Variants in ATM observed in about 807,000 individuals in gnomAD.
ATM encodes the protein ATM serine/threonine kinase, also known as serine-protein kinase ATM.
Under a neutral mutation model 387.0 loss-of-function variants are expected in ATM, and 308 were observed. That is an observed-to-expected ratio of 0.80 (90% CI 0.73 to 0.87). The LOEUF (loss-of-function observed/expected upper bound fraction) is 0.87. Among genes scored for constraint, ATM ranks in the 40% least tolerant of loss-of-function variants. The probability of loss-of-function intolerance (pLI) is 0.00; values close to 1 mark genes in which losing one functional copy is unlikely to be tolerated. For synonymous variants in ATM, 1,156 were observed against 1,187.3 expected (o/e 0.97, Z 0.54); for missense variants, 3,312 against 3,560.9 (o/e 0.93, Z 1.78).
At chr11:108,233,238 T>G (rs891599832) in intron 4 of ATM, among the ~76,000 whole-genome samples, 1 of 152,144 alleles carries the variant, frequency 6.6e-6, no homozygotes, top group Non-Finnish European at 1.5e-5. Context: ...AAAACTCAGC[T>G]GCGAAAAATG....
chr11:108,233,132 G>A (rs2079102335), intron 4 of ATM, among the ~76,000 whole-genome samples: 1 of 152,144 alleles, frequency 6.6e-6, no homozygotes, highest in African/African-American at 2.4e-5. Context: ...AAACTGCTGG[G>A]TTTATAGGCG....
intron 22 of ATM, among the ~76,000 whole-genome samples, chr11:108,274,431 T>C (rs1350952291): frequency 6.6e-6 from 1 of 152,202 alleles, no homozygotes; most frequent in African/African-American, 2.4e-5. Flanking sequence ...TGTTTGCTCT[T>C]GCTTCTCTAG....
At chr11:108,356,528 CTCTG>C (rs1264563977) in intron 61 of ATM, among the ~76,000 whole-genome samples, 19 of 139,586 alleles carry the variant, frequency 1.4e-4, no homozygotes, top group East Asian at 2.3e-4. Flanking sequence ...AAGAGCAAGA[CTCTG>C]TCTGTCTTAA....
rs544291274 is a variant in ATM, at chr11:108,254,729, T to C, written c.2124+690T>C. ...GTGCAGTGACGTGATCTTGGCTCAC[T>C]GCAACCTCCGTCTTCCAGTTCAAGC... is the stretch of plus-strand genomic sequence containing the variant. On this transcript the variant is annotated intron_variant, in intron 13 of 62. Coordinates refer to ENST00000675843, the MANE Select transcript of ATM (RefSeq NM_000051.4). Among the ~76,000 whole-genome samples, 50 of 152,306 alleles carry C rather than the reference T, an allele frequency of 3.3e-4. 1 individual carries two copies. The South Asian group carries it at 7.9e-3, about 24-fold the overall frequency.
At chr11:108,293,919 A>ATATATATATATATG in intron 31 of ATM, among the ~76,000 whole-genome samples, 1 of 117,050 alleles carries the variant, frequency 8.5e-6, no homozygotes, top group African/African-American at 3.1e-5. Flanking sequence ...ATATATATAT[A>ATATATATATATATG]TGTGTGTGTA....
At chr11:108,358,574 C>A in intron 61 of ATM, among the ~76,000 whole-genome samples, 1 of 121,462 alleles carries the variant, frequency 8.2e-6, no homozygotes, top group Non-Finnish European at 1.7e-5. Context: ...AAAGGGAAGC[C>A]CATCAGACTA....
At position 108,368,291 on chromosome 11, in the gene ATM, A is replaced by G. The variant is rs1177162363; in HGVS notation, c.*2783A>G. 1.1e-5 allele frequency: 2 copies of G among 186,978 alleles called. No homozygotes were observed. The highest frequency in any genetic ancestry group is 1.9e-4 in the East Asian group (2 of 10,710). The allele number at this position is 186,978 out of a possible 1,614,324, so 11.6% of individuals were successfully genotyped here. On this transcript the variant is annotated 3_prime_UTR_variant, in exon 63 of 63. Coordinates refer to ENST00000675843, the MANE Select transcript of ATM (RefSeq NM_000051.4). ...GCGACAGAGCAAGACTCTGCCTCAA[A>G]AAAAAAAAAAAAAAGGTTTTGGCAA...
At chr11:108,229,344 T>A (rs2078895670) in intron 4 of ATM, 21 bp downstream of exon 4, 1 of 1,596,850 alleles carries the variant, frequency 6.3e-7, no homozygotes, top group Non-Finnish European at 8.5e-7. Context: ...TTATAAATTA[T>A]AAATAAATGG....
chr11:108,225,924 C>T (rs1278690826), intron 1 of ATM: 1 of 152,126 alleles, frequency 6.6e-6, no homozygotes. Context: ...GAGAAACATA[C>T]TTAATCTTGA....
intron 56 of ATM, 52 bp downstream of exon 56, chr11:108,336,013 T>C: frequency 7.0e-7 from 1 of 1,427,724 alleles, no homozygotes. Context: ...AAGATGCCAT[T>C]TGGTTGGGTG....
chr11:108,324,784 G>A (rs2085486269), intron 45 of ATM, among the ~76,000 whole-genome samples: 1 of 152,166 alleles, frequency 6.6e-6, no homozygotes, highest in African/African-American at 2.4e-5. Flanking sequence ...TGTGCAATAT[G>A]CCTTTTCTGT....
At chr11:108,357,427 C>G (rs1262141225) in intron 61 of ATM, among the ~76,000 whole-genome samples, 1 of 152,028 alleles carries the variant, frequency 6.6e-6, no homozygotes, top group Non-Finnish European at 1.5e-5. Flanking sequence ...GAAGCTCGAA[C>G]TGGGTGGAAC....
intron 18 of ATM, among the ~76,000 whole-genome samples, chr11:108,270,704 A>AT (rs199782940): frequency 1.3e-5 from 2 of 151,236 alleles, no homozygotes; most frequent in Non-Finnish European, 3.0e-5. Flanking sequence ...CTTAAAAAAA[A>AT]TTTTTTTTTG....
At chr11:108,345,690 AGTTT>A in intron 57 of ATM, 49 bp from the exon 58 acceptor site, 3 of 1,331,696 alleles carry the variant, frequency 2.3e-6, no homozygotes, top group Middle Eastern at 2.7e-4. Context: ...TGTGTATATT[AGTTT>A]AATTGAACAC....
At chr11:108,238,571 A>G (rs1044744382) in intron 5 of ATM, among the ~76,000 whole-genome samples, 1 of 152,196 alleles carries the variant, frequency 6.6e-6, no homozygotes, top group Non-Finnish European at 1.5e-5. Context: ...CAAATTGTTC[A>G]ATGCACAAAA....
intron 49 of ATM, 108 bp from the exon 50 acceptor site, chr11:108,330,105 CT>C: frequency 8.0e-7 from 1 of 1,249,200 alleles, no homozygotes; most frequent in Non-Finnish European, 1.1e-6. Flanking sequence ...GCTTTTTTCC[CT>C]GGGATAAAAA....
At position 108,256,387 on chromosome 11, in the gene ATM, T is replaced by C. The variant is rs775132252; in HGVS notation, c.2250+47T>C. 5 of 1,563,314 alleles carry C rather than the reference T, an allele frequency of 3.2e-6. No individual in the cohort carries two copies. The African/African-American group carries it at 6.8e-5, about 21-fold the overall frequency. The stretch of plus-strand genomic sequence containing the variant: ...AAGTTTCGGATAAATTTGAATGAAA[T>C]GTATTCCTGTGAAAATTATTACATT... On this transcript the variant is annotated intron_variant, in intron 14 of 62. Transcript: ENST00000675843.
chr11:108,278,679 G>A (rs920544858), intron 22 of ATM, among the ~76,000 whole-genome samples: 3 of 152,122 alleles, frequency 2.0e-5, no homozygotes, highest in African/African-American at 7.2e-5. Flanking sequence ...GGGTGGAGGC[G>A]GGGAAGGCCA....
chr11:108,341,647 A>G (rs1173307216), intron 56 of ATM, among the ~76,000 whole-genome samples: 2 of 152,226 alleles, frequency 1.3e-5, no homozygotes, highest in East Asian at 3.8e-4. Flanking sequence ...ACGAGTGACC[A>G]GCTGAGAAAA....
Sources: gnomAD v4.1 joint callset for allele counts (sites outside exome capture counted in the v4.1 genomes callset) on GRCh38, gnomAD v4.1.1 for gene constraint, MANE v1.5 for transcripts, NCBI Gene and HGNC (gene_info 2026-07-23, HGNC 2026-07-21) for gene names.